FAM227A: variants seen among roughly 807,000 people sequenced by gnomAD.
The protein encoded by FAM227A is protein FAM227A.
In FAM227A, 80 loss-of-function variants were observed where a neutral mutation model predicts 74.7. The ratio of observed to expected loss-of-function variants is 1.07; its 90% CI spans 0.89 to 1.29. The LOEUF (loss-of-function observed/expected upper bound fraction) is 1.29, where lower values mean the gene tolerates loss of function less well. FAM227A is among the 50% of genes most tolerant of loss of function. The pLI, the probability that FAM227A is intolerant of heterozygous loss-of-function variation, is 0.00. For missense variants in FAM227A, 654 were observed against 683.4 expected (o/e 0.96, Z 0.48); for synonymous variants, 237 against 241.8 (o/e 0.98, Z 0.19).
chr22:38,645,137 A>G (rs1477124436), intron 3 of FAM227A, among the ~76,000 whole-genome samples: 2 of 152,028 alleles, frequency 1.3e-5, no homozygotes, highest in African/African-American at 2.4e-5. Flanking sequence ...CACGCCTGTA[A>G]TCCTAGCACT....
intron 6 of FAM227A, among the ~76,000 whole-genome samples, chr22:38,634,322 T>A (rs1206122193): frequency 7.2e-5 from 11 of 151,994 alleles, no homozygotes; most frequent in Non-Finnish European, 1.5e-5. Context: ...ACACTCTTTA[T>A]AAACATTCAC....
At chr22:38,644,257 G>A (rs901571462) in intron 3 of FAM227A, among the ~76,000 whole-genome samples, 3 of 152,142 alleles carry the variant, frequency 2.0e-5, no homozygotes, top group Admixed American at 1.3e-4. Flanking sequence ...ATGGCATTAT[G>A]GGAAAGGTAA....
chr22:38,607,595 G>A (rs1192530980), intron 11 of FAM227A, 119 bp from the exon 12 acceptor site: 5 of 736,600 alleles, frequency 6.8e-6, no homozygotes, highest in Non-Finnish European at 1.2e-5. Flanking sequence ...ATTTCTTACT[G>A]TTCTCAGCAA....
chr22:38,639,079 A>G (rs2092060136), intron 4 of FAM227A, among the ~76,000 whole-genome samples: 1 of 151,898 alleles, frequency 6.6e-6, no homozygotes, highest in African/African-American at 2.4e-5. Context: ...CATCTATAAA[A>G]TATATTAAAT....
chr22:38,597,703 G>A (rs2091077732), intron 14 of FAM227A, among the ~76,000 whole-genome samples: 1 of 152,114 alleles, frequency 6.6e-6, no homozygotes, highest in South Asian at 2.1e-4. Flanking sequence ...AATAGGAAGG[G>A]CTCCCAGCTT....
At chr22:38,627,605 T>C (rs2091835830) in intron 8 of FAM227A, among the ~76,000 whole-genome samples, 1 of 150,908 alleles carries the variant, frequency 6.6e-6, no homozygotes, top group African/African-American at 2.5e-5. Context: ...AGTTTTTTTT[T>C]TGTTTGTTTG....
rs539248353 is a variant in FAM227A at position 38,645,515 on chromosome 22, CCCTT to C, written c.225+44_225+47del. 3.0e-3 allele frequency: 3,901 copies of C among 1,303,908 alleles called. 13 individuals are homozygous for C. The highest frequency in any genetic ancestry group is 3.7e-3 in the Non-Finnish European group (3,446 of 921,662). The allele number at this position is 1,303,908 out of a possible 1,614,324, so 80.8% of individuals were successfully genotyped here. A position where few individuals can be genotyped will look rare whatever the true frequency, so the allele number is the denominator to read the frequency against. On this transcript the variant is annotated intron_variant, in intron 3 of 16. Transcript: ENST00000535113. ...TGCAACACCTTGATGATCCCCGGGG[CCCTT>C]CCCTGTCAGAAGCTTTGTCTCAGCT...
intron 8 of FAM227A, among the ~76,000 whole-genome samples, chr22:38,627,101 A>AAAG (rs2091825673): frequency 6.6e-6 from 1 of 150,728 alleles, no homozygotes; most frequent in South Asian, 2.1e-4. Context: ...AAAAGAAAAC[A>AAAG]AAGAAAGTCC....
intron 15 of FAM227A, among the ~76,000 whole-genome samples, chr22:38,595,218 A>G (rs2091019789): frequency 6.6e-6 from 1 of 152,248 alleles, no homozygotes; most frequent in Admixed American, 6.5e-5. Flanking sequence ...CTGTCTAGCC[A>G]ATAGCAATTC....
At chr22:38,640,158 C>T (rs994890540) in intron 3 of FAM227A, among the ~76,000 whole-genome samples, 3 of 151,954 alleles carry the variant, frequency 2.0e-5, no homozygotes, top group Non-Finnish European at 2.9e-5. Context: ...CTCAGCCTCC[C>T]GAGTAGCTGG....
intron 12 of FAM227A, among the ~76,000 whole-genome samples, chr22:38,605,605 G>A (rs1053894828): frequency 2.6e-5 from 4 of 152,192 alleles, no homozygotes; most frequent in Admixed American, 2.0e-4. Flanking sequence ...AGTGTTTAGA[G>A]GGAAGTCTCT....
chr22:38,653,895 TG>T (rs1427617897), intron 1 of FAM227A: 1 of 152,232 alleles, frequency 6.6e-6, no homozygotes, highest in Non-Finnish European at 1.5e-5. Context: ...TTACATCTAC[TG>T]GAGGAGACAG....
rs1029264476 is a variant in FAM227A, at chr22:38,626,207, A to G, written c.823T>C (p.Cys275Arg). The G allele has an allele frequency of 6.4e-7, 1 of 1,551,662 alleles. No homozygotes were observed. The highest frequency in any genetic ancestry group is 8.7e-7 in the Non-Finnish European group (1 of 1,146,956). Residue 275 changes from cysteine to arginine, a missense_variant, in exon 9 of 17, where the codon TGT becomes CGT. Cys to Arg is a radical substitution (Grantham distance 180, BLOSUM62 -3). Coordinates refer to ENST00000535113, the MANE Select transcript of FAM227A (RefSeq NM_001013647.2). ...GAAATCCACAGGCTCATTGTGTTAC[A>G]GATGTCAGACTTGAATTCGTGCGTG... Reference protein sequence around the residue: ...FDTHEFKSDICNTMSLWISGT... With the variant: ...FDTHEFKSDIRNTMSLWISGT...
At chr22:38,625,456 G>T (rs1042972593) in intron 9 of FAM227A, among the ~76,000 whole-genome samples, 1 of 151,764 alleles carries the variant, frequency 6.6e-6, no homozygotes, top group Non-Finnish European at 1.5e-5. Flanking sequence ...TGGAGGGAGA[G>T]AACCATGATT....
chr22:38,600,984 A>C (rs2091164724), intron 13 of FAM227A, among the ~76,000 whole-genome samples: 1 of 152,070 alleles, frequency 6.6e-6, no homozygotes, highest in African/African-American at 2.4e-5. Context: ...TTTAGTAAAA[A>C]ACAGATAGAT....
chr22:38,591,377 C>A (rs544550983), intron 16 of FAM227A, 58 bp downstream of exon 16: 6 of 1,530,956 alleles, frequency 3.9e-6, no homozygotes, highest in South Asian at 3.8e-5. Flanking sequence ...ACACTTCTAC[C>A]TTTCCCATGG....
At chr22:38,637,162 C>G (rs1057306571) in intron 5 of FAM227A, among the ~76,000 whole-genome samples, 2 of 152,102 alleles carry the variant, frequency 1.3e-5, no homozygotes, top group Non-Finnish European at 2.9e-5. Flanking sequence ...TTTGATCGTT[C>G]TAAGAAGTAA....
rs867983899 is a variant in FAM227A at position 38,580,599 on chromosome 22, A to G, written c.*5526T>C. 9 of 152,306 alleles carry G rather than the reference A, an allele frequency of 5.9e-5. No homozygotes were observed. The highest frequency in any genetic ancestry group is 3.4e-3 in the Middle Eastern group (1 of 294). The allele number at this position is 152,306 out of a possible 1,614,324, so 9.4% of individuals were successfully genotyped here. A position where few individuals can be genotyped will look rare whatever the true frequency, so the allele number is the denominator to read the frequency against. Reference sequence around the variant, plus strand: ...TTCAAAATGGTGATATTTTAAGTCTATCATTATTTCTGAATTTATTAGGTG... The same window carrying G: ...TTCAAAATGGTGATATTTTAAGTCTGTCATTATTTCTGAATTTATTAGGTG... On this transcript the variant is annotated 3_prime_UTR_variant, in exon 17 of 17. Transcript: ENST00000535113.
intron 6 of FAM227A, among the ~76,000 whole-genome samples, chr22:38,632,533 ATC>A (rs2091934024): frequency 6.6e-6 from 1 of 152,168 alleles, no homozygotes; most frequent in Admixed American, 6.5e-5. Flanking sequence ...AAAGAAATAA[ATC>A]TCTGTTCTTT....
Sources: allele counts gnomAD v4.1 joint callset (sites outside exome capture counted in the v4.1 genomes callset), GRCh38; gene constraint gnomAD v4.1.1; transcripts MANE v1.5; gene names NCBI Gene and HGNC (gene_info 2026-07-23, HGNC 2026-07-21).